Variants in CARS2 observed in about 807,000 individuals in gnomAD.
CARS2 encodes the protein cysteinyl-tRNA synthetase 2, mitochondrial, also known as probable cysteine--tRNA ligase, mitochondrial.
In CARS2, 52 loss-of-function variants were observed where a neutral mutation model predicts 68.8. The observed-to-expected ratio is 0.76, with a 90% CI of 0.61 to 0.95. The LOEUF (loss-of-function observed/expected upper bound fraction) is 0.95, where lower values mean the gene tolerates loss of function less well. CARS2 is among the 40% of genes least tolerant of loss of function. CARS2 has a pLI of 0.00. For synonymous variants in CARS2, 314 were observed against 303.6 expected (o/e 1.03, Z -0.36); for missense variants, 780 against 754.2 (o/e 1.03, Z -0.40).
At position 110,705,611 on chromosome 13, in the gene CARS2, GC is replaced by G. The variant is rs770109025; in HGVS notation, c.225-41del. 139 of 1,574,364 alleles carry G rather than the reference GC, an allele frequency of 8.8e-5. No individual in the cohort carries two copies. The highest frequency in any genetic ancestry group is 1.1e-4 in the Non-Finnish European group (128 of 1,144,040). On this transcript the variant is annotated intron_variant, in intron 1 of 14. Coordinates refer to ENST00000257347, the MANE Select transcript of CARS2 (RefSeq NM_024537.4). The surrounding 1 kb of genome is among the most constrained non-coding windows in gnomAD (Gnocchi z 4.0). ...AAAATCCATCGTGTGGAACATATTTGCAAGAAAGGACATTCGATTCTGAGTT... is the reference window on the plus strand; with the variant it reads ...AAAATCCATCGTGTGGAACATATTTGAAGAAAGGACATTCGATTCTGAGTT...
At position 110,641,557 on chromosome 13, in the gene CARS2, CTT is replaced by C. The variant is rs1337371553; in HGVS notation, c.1673_1674del (p.Lys558ArgfsTer39). 6.2e-7 allele frequency: 1 copy of C among 1,613,928 alleles called. No homozygotes were observed. The highest frequency in any genetic ancestry group is 8.5e-7 in the Non-Finnish European group (1 of 1,179,954). ...STWELLDQRTKDQKSAG is the reference protein window; with the variant it reads ...STWELLDQRTXDQKSAG ...CATCCTCAGCCCGCTGATTTTTGGTCTTTTGTCCTTTGATCCAGCAGTTCCCA... is the reference window on the plus strand; with the variant it reads ...CATCCTCAGCCCGCTGATTTTTGGTCTTGTCCTTTGATCCAGCAGTTCCCA... On this transcript the variant is annotated frameshift_variant, in exon 15 of 15. Coordinates refer to ENST00000257347, the MANE Select transcript of CARS2 (RefSeq NM_024537.4). LOFTEE classifies it high-confidence loss of function.
At chr13:110,684,178 A>T (rs933577670) in intron 5 of CARS2, among the ~76,000 whole-genome samples, 1 of 152,202 alleles carries the variant, frequency 6.6e-6, no homozygotes, top group African/African-American at 2.4e-5. Flanking sequence ...AGTACCACAG[A>T]TCCGCAGCCA....
intron 9 of CARS2, among the ~76,000 whole-genome samples, chr13:110,656,877 C>A (rs2062384076): frequency 7.3e-6 from 1 of 137,488 alleles, no homozygotes; most frequent in African/African-American, 3.0e-5. Context: ...GAGTGAGACT[C>A]TGTCTCAAAA....
chr13:110,696,788 C>G lies in CARS2; in HGVS notation c.393+4650G>C, dbSNP rs2063636265. Among the ~76,000 whole-genome samples, 2 of 152,206 alleles carry G rather than the reference C, an allele frequency of 1.3e-5. 1 individual carries two copies. Among genetic ancestry groups the G allele is most frequent in the Middle Eastern group, 6.3e-3 (2 of 316 alleles). On this transcript the variant is annotated intron_variant, in intron 3 of 14. Coordinates refer to ENST00000257347, the MANE Select transcript of CARS2 (RefSeq NM_024537.4). The stretch of plus-strand genomic sequence containing the variant: ...AACAACCAATCCCTCCTTGTGGCAT[C>G]TGTGAAATTAACTCTTGCTTCTTCC...
intron 3 of CARS2, among the ~76,000 whole-genome samples, chr13:110,693,803 T>C (rs912627099): frequency 2.0e-5 from 3 of 152,124 alleles, no homozygotes; most frequent in Admixed American, 1.3e-4. Context: ...GTCCTAGTCC[T>C]ATTTCGGATT....
chr13:110,649,292 G>GA (rs1289458159), intron 10 of CARS2: 1 of 152,302 alleles, frequency 6.6e-6, no homozygotes, highest in African/African-American at 2.4e-5. Context: ...CCACGTCTCA[G>GA]AAAACCTGAG....
chr13:110,685,383 T>A (rs1282060731), intron 5 of CARS2, among the ~76,000 whole-genome samples: 3 of 152,140 alleles, frequency 2.0e-5, no homozygotes, highest in Non-Finnish European at 4.4e-5. Context: ...GCTACTTCCA[T>A]ACACAGAGCC....
rs533611037 is a variant in CARS2, at chr13:110,687,740, G to A, written c.552C>T (p.Asn184=). ...CCCTACCTTTTGCCGTTGAATAAGC[G>A]TTCCCACGAGCAATGATTCCTTCAA... ...SFIEGIIARG[N]AYSTAKGNVY... The change falls in exon 5 of 15, where the codon AAC becomes AAT. Residue 184 remains asparagine (N), a synonymous_variant. Transcript: ENST00000257347. 7.7e-5 allele frequency: 124 copies of A among 1,604,232 alleles called. No homozygotes were observed. In the South Asian group the frequency reaches 1.0e-3, roughly 14 times the overall value.
chr13:110,702,515 A>T (rs1399323513), intron 2 of CARS2, among the ~76,000 whole-genome samples: 1 of 152,208 alleles, frequency 6.6e-6, no homozygotes, highest in Non-Finnish European at 1.5e-5. Flanking sequence ...CATTCACCTC[A>T]AGTTGGGAAA....
Position 110,705,511 on chromosome 13 carries a change from G to A in CARS2, c.275+10C>T. 6.3e-7 allele frequency: 1 copy of A among 1,578,074 alleles called. No homozygotes were observed. The highest frequency in any genetic ancestry group is 1.9e-5 in the Admixed American group (1 of 53,276). ...TTTGAAGTATGAAAATTCAAATCCA[G>A]GAAACTCACCAAGCATGGCCAAGGT... On this transcript the variant is annotated intron_variant, in intron 2 of 14. Transcript: ENST00000257347. This position sits in a 1 kb window ranked among gnomAD's most constrained non-coding sequence, Gnocchi z 4.0.
intron 10 of CARS2, 40 bp downstream of exon 10, chr13:110,650,994 G>A (rs748718611): frequency 2.7e-6 from 4 of 1,490,832 alleles, no homozygotes; most frequent in South Asian, 1.2e-5. Flanking sequence ...GACTGTCTCC[G>A]AGCTGGGGGG....
Position 110,642,421 on chromosome 13 carries a change from T to G in CARS2, c.1517A>C (p.Glu506Ala). ...KVRQFALAMP[E>A]ATGDARRQQL... ...CTGCCGCCGGGCGTCCCCCGTGGCC[T>G]CGGGCATGGCCAGCGCAAACTGCCG... Residue 506 changes from glutamate to alanine, a missense_variant, in exon 14 of 15, where the codon GAG (glutamate) becomes GCG (alanine). Glu to Ala is a moderately radical substitution (Grantham distance 107). Transcript: ENST00000257347. 2 of 1,599,880 alleles carry G rather than the reference T, an allele frequency of 1.3e-6. No homozygotes were observed. The highest frequency in any genetic ancestry group is 1.7e-6 in the Non-Finnish European group (2 of 1,173,626).
At position 110,642,422 on chromosome 13, in the gene CARS2, C is replaced by A. The variant is rs368624802; in HGVS notation, c.1516G>T (p.Glu506Ter). The A allele has an allele frequency of 1.9e-6, 3 of 1,600,242 alleles. No individual in the cohort carries two copies. Among genetic ancestry groups the A allele is most frequent in the Non-Finnish European group, 2.6e-6 (3 of 1,173,934 alleles). The change falls in exon 14 of 15, where the codon GAG becomes TAG. Residue 506 changes from glutamate (E) to a stop codon, truncating the protein, a stop_gained. Transcript: ENST00000257347. LOFTEE classifies it high-confidence loss of function. ...KVRQFALAMP[E>*]ATGDARRQQL... ...TGCCGCCGGGCGTCCCCCGTGGCCTCGGGCATGGCCAGCGCAAACTGCCGG... is the reference window on the plus strand; with the variant it reads ...TGCCGCCGGGCGTCCCCCGTGGCCTAGGGCATGGCCAGCGCAAACTGCCGG...
At chr13:110,641,691 G>T in intron 14 of CARS2, 83 bp from the exon 15 acceptor site, 3 of 1,137,950 alleles carry the variant, frequency 2.6e-6, no homozygotes, top group Non-Finnish European at 4.0e-6. Context: ...TCAGGTTCAG[G>T]GTGCCTGTTC....
intron 5 of CARS2, among the ~76,000 whole-genome samples, chr13:110,684,505 G>A (rs751164007): frequency 2.6e-5 from 4 of 151,354 alleles, no homozygotes; most frequent in Admixed American, 6.6e-5. Context: ...GGAGGACGCT[G>A]AAGGGACAGG....
chr13:110,677,072 G>A lies in CARS2; in HGVS notation c.687C>T (p.Phe229=), dbSNP rs775389111. The change falls in exon 7 of 15, where the codon TTC becomes TTT. Residue 229 remains phenylalanine (F), a synonymous_variant. Coordinates refer to ENST00000257347, the MANE Select transcript of CARS2 (RefSeq NM_024537.4). The part of the protein sequence containing the change: ...ADSDKRHASD[F]ALWKAAKPQE... ...GGGGTTTGGCCGCCTTCCACAGGGC[G>A]AAGTCACTGGCATGACGCTTGTCAG... 1.7e-5 allele frequency: 28 copies of A among 1,610,254 alleles called. No homozygotes were observed. The highest frequency in any genetic ancestry group is 2.3e-5 in the Non-Finnish European group (27 of 1,177,480).
intron 6 of CARS2, chr13:110,678,184 T>G (rs1027705916): frequency 1.3e-5 from 2 of 152,286 alleles, no homozygotes; most frequent in Admixed American, 6.5e-5. Flanking sequence ...CCTTATTCTG[T>G]CTTACGAGAA....
At chr13:110,646,403 G>A (rs921796862) in intron 11 of CARS2, 8 of 216,248 alleles carry the variant, frequency 3.7e-5, no homozygotes, top group East Asian at 2.5e-4. Flanking sequence ...AGGAAGACTC[G>A]GTGGGGGAGA....
chr13:110,656,411 G>A (rs939682227), intron 9 of CARS2, among the ~76,000 whole-genome samples: 4 of 152,202 alleles, frequency 2.6e-5, no homozygotes, highest in African/African-American at 2.4e-5. Flanking sequence ...ATTACATGCC[G>A]CGAGTGTATG....
Sources: gnomAD v4.1 joint callset for allele counts (sites outside exome capture counted in the v4.1 genomes callset) on GRCh38, gnomAD v4.1.1 for gene constraint, Gnocchi (gnomAD v3.1) non-coding constraint, MANE v1.5 for transcripts, NCBI Gene and HGNC (gene_info 2026-07-23, HGNC 2026-07-21) for gene names.